Variants in WAC observed in about 807,000 individuals in gnomAD.
WAC encodes the protein WW domain-containing adapter protein with coiled-coil.
WAC carries 11 observed loss-of-function variants against 79.6 expected under a neutral mutation model. That is an observed-to-expected ratio of 0.14 (90% confidence interval 0.09 to 0.23). The LOEUF is 0.23. Among genes scored for constraint, WAC ranks in the 10% least tolerant of loss-of-function variants. WAC has a pLI of 1.00. For missense variants in WAC, 728 were observed against 773.5 expected (o/e 0.94, Z 0.70); for synonymous variants, 304 against 276.9 (o/e 1.10, Z -0.97).
chr10:28,603,963 A>ATATATATATATATATATATATATGTG lies in WAC; in HGVS notation c.920-4200_920-4199insGTGTATATATATATATATATATATAT, dbSNP rs1564413743. ...AAAAAATATATATATGTATGTATGT[A>ATATATATATATATATATATATATGTG]TATATATATATATATATATATATAT... is the stretch of plus-strand genomic sequence containing the variant. On this transcript the variant is annotated intron_variant, in intron 7 of 13. Transcript: ENST00000354911. Among the ~76,000 whole-genome samples the ATATATATATATATATATATATATGTG allele has an allele frequency of 3.3e-3, 35 of 10,452 alleles. No homozygotes were observed. The South Asian group carries it at 0.077, about 23-fold the overall frequency. 6.9% of individuals were successfully genotyped at this position (10,452 alleles called of 152,430 possible).
At chr10:28,585,726 T>C (rs1839788174) in intron 4 of WAC, among the ~76,000 whole-genome samples, 2 of 152,168 alleles carry the variant, frequency 1.3e-5, no homozygotes, top group African/African-American at 4.8e-5. Context: ...ATTGACAGTT[T>C]AGATTTGCTA....
intron 3 of WAC, among the ~76,000 whole-genome samples, chr10:28,567,253 A>C (rs1838694481): frequency 6.7e-6 from 1 of 149,558 alleles, no homozygotes; most frequent in Non-Finnish European, 1.5e-5. Flanking sequence ...TTTCTTTCGA[A>C]GTATATTTTC....
chr10:28,592,587 C>G (rs1037483036), intron 6 of WAC, among the ~76,000 whole-genome samples: 1 of 152,030 alleles, frequency 6.6e-6, no homozygotes, highest in African/African-American at 2.4e-5. Flanking sequence ...CACCACTGTA[C>G]TCCAGCCTGG....
rs952787522 is a variant in WAC at position 28,587,042 on chromosome 10, G to T, written c.382-2694G>T. Among the ~76,000 whole-genome samples, 3 of 151,832 alleles carry T rather than the reference G, an allele frequency of 2.0e-5. No individual in the cohort carries two copies. In the South Asian group the frequency reaches 6.3e-4, roughly 32 times the overall value. On this transcript the variant is annotated intron_variant, in intron 4 of 13. Coordinates refer to ENST00000354911, the MANE Select transcript of WAC (RefSeq NM_016628.5). Reference sequence around the variant, plus strand: ...CTCAGGAGACTGAGGAGGGAGGCTCGCTTGAGCCCAGGAGTTGGAAACCAG... The same window carrying T: ...CTCAGGAGACTGAGGAGGGAGGCTCTCTTGAGCCCAGGAGTTGGAAACCAG...
chr10:28,602,021 G>A (rs758379104), intron 7 of WAC, among the ~76,000 whole-genome samples: 2 of 152,146 alleles, frequency 1.3e-5, no homozygotes, highest in Non-Finnish European at 2.9e-5. Context: ...CTTGTAAAAT[G>A]GTTAAAATAG....
At position 28,603,961 on chromosome 10, in the gene WAC, GTATA is replaced by G. The variant is rs71391054; in HGVS notation, c.920-4201_920-4198del. On this transcript the variant is annotated intron_variant, in intron 7 of 13. Transcript: ENST00000354911. ...AAAAAAAATATATATATGTATGTAT[GTATA>G]TATATATATATATATATATATATGT... 5.6e-3 allele frequency among the ~76,000 whole-genome samples: 118 copies of G among 20,894 alleles called. 8 individuals carry two copies. The highest frequency in any genetic ancestry group is 0.039 in the East Asian group (18 of 460). The allele number at this position is 20,894 out of a possible 152,430, so 13.7% of individuals were successfully genotyped here. A position where few individuals can be genotyped will look rare whatever the true frequency, so the allele number is the denominator to read the frequency against.
intron 3 of WAC, among the ~76,000 whole-genome samples, chr10:28,555,648 G>C (rs1837940449): frequency 1.3e-5 from 2 of 152,186 alleles, no homozygotes. Context: ...TGGTTTGAGT[G>C]CGTTCCCTAA....
At chr10:28,614,894 A>G (rs373693695) in intron 11 of WAC, 37 of 385,610 alleles carry the variant, frequency 9.6e-5, no homozygotes, top group African/African-American at 7.5e-4. Context: ...GTTATTTTGA[A>G]GAAAGTGGCT....
rs748812459 is a variant in WAC at position 28,562,924 on chromosome 10, AAAAT to A, written c.275-20468_275-20465del. Among the ~76,000 whole-genome samples the A allele has an allele frequency of 1.3e-3, 192 of 152,320 alleles. 1 individual carries two copies. Among genetic ancestry groups the A allele is most frequent in the Non-Finnish European group, 1.9e-3 (127 of 68,036 alleles). The stretch of plus-strand genomic sequence containing the variant: ...CTACCTTCTGCAAAGATTTTCTTGA[AAAAT>A]AAATAACGGTGAAATCTGTAACAAT... On this transcript the variant is annotated intron_variant, in intron 3 of 13. Coordinates refer to ENST00000354911, the MANE Select transcript of WAC (RefSeq NM_016628.5).
Position 28,617,796 on chromosome 10 carries a change from A to T in WAC, c.1874+12A>T, listed in dbSNP as rs764499163. Reference sequence around the variant, plus strand: ...TTGCGAGAGCAAAGGTAAGTCTTTCACTGAAATATATTTTTATGTTTCTCA... The same window carrying T: ...TTGCGAGAGCAAAGGTAAGTCTTTCTCTGAAATATATTTTTATGTTTCTCA... On this transcript the variant is annotated intron_variant, in intron 13 of 13. Coordinates refer to ENST00000354911, the MANE Select transcript of WAC (RefSeq NM_016628.5). 2.5e-6 allele frequency: 4 copies of T among 1,570,778 alleles called. No individual in the cohort carries two copies. In the South Asian group the frequency reaches 5.0e-5, roughly 20 times the overall value.
chr10:28,590,952 C>G lies in WAC; in HGVS notation c.610+120C>G, dbSNP rs1045516182. On this transcript the variant is annotated intron_variant, in intron 6 of 13. Coordinates refer to ENST00000354911, the MANE Select transcript of WAC (RefSeq NM_016628.5). ...AAATAAATAGAAACATACGGAGATTCTTTTATGTTGGATTTATTATACCCT... is the reference window on the plus strand; with the variant it reads ...AAATAAATAGAAACATACGGAGATTGTTTTATGTTGGATTTATTATACCCT... The G allele has an allele frequency of 2.0e-5, 17 of 857,984 alleles. No homozygotes were observed. In the South Asian group the frequency reaches 2.2e-4, roughly 11 times the overall value. The allele number at this position is 857,984 out of a possible 1,614,324, so 53.1% of individuals were successfully genotyped here.
chr10:28,608,548 CTT>C, intron 8 of WAC, 117 bp downstream of exon 8: 1 of 1,159,026 alleles, frequency 8.6e-7, no homozygotes, highest in East Asian at 2.6e-5. Context: ...TAGTTGAACA[CTT>C]TTTTTTGTTT....
At chr10:28,533,697 T>A in intron 1 of WAC, 77 bp downstream of exon 1, 2 of 1,384,232 alleles carry the variant, frequency 1.4e-6, no homozygotes, top group Non-Finnish European at 9.7e-7. Context: ...TATCTGGAGC[T>A]GGCCGGGCCG....
chr10:28,614,620 G>A lies in WAC; in HGVS notation c.1491G>A (p.Gln497=), dbSNP rs759161353. The A allele has an allele frequency of 2.4e-5, 39 of 1,614,196 alleles. 1 individual carries two copies. In the South Asian group the frequency reaches 4.0e-4, roughly 16 times the overall value. The change falls in exon 11 of 14, where the codon CAG becomes CAA. Residue 497 remains glutamine, a synonymous_variant. Transcript: ENST00000354911. ...CAGTGTCACAGTCAGCCACACAGCAGCCTGTAACTGCTGACAAGCAGCAAG... is the reference window on the plus strand; with the variant it reads ...CAGTGTCACAGTCAGCCACACAGCAACCTGTAACTGCTGACAAGCAGCAAG... ...QGPVSQSATQ[Q]PVTADKQQGH... is the part of the protein sequence containing the mutation.
chr10:28,558,102 C>T (rs1245485961), intron 3 of WAC, among the ~76,000 whole-genome samples: 1 of 152,072 alleles, frequency 6.6e-6, no homozygotes, highest in Non-Finnish European at 1.5e-5. Context: ...CTCTTAGAGT[C>T]ACTTGAAACA....
At chr10:28,588,400 C>T (rs1839927071) in intron 4 of WAC, among the ~76,000 whole-genome samples, 1 of 152,166 alleles carries the variant, frequency 6.6e-6, no homozygotes, top group Non-Finnish European at 1.5e-5. Flanking sequence ...ATGGCAGAGT[C>T]TGTGATCTTT....
chr10:28,535,346 G>GT (rs1425248901), intron 2 of WAC: 20 of 355,994 alleles, frequency 5.6e-5, no homozygotes, highest in Non-Finnish European at 9.6e-5. Flanking sequence ...TTTTTTTTGT[G>GT]TTTAGTGTGA....
rs1435952488 is a variant in WAC, at chr10:28,541,413, G to GTTTT, written c.274+5657_274+5658insTTTT. ...AATTTTTGTGGGGTTGTGTGTGTGT[G>GTTTT]TGTTTTGTTTTTTTTTTTTTTTTTT... On this transcript the variant is annotated intron_variant, in intron 3 of 13. Coordinates refer to ENST00000354911, the MANE Select transcript of WAC (RefSeq NM_016628.5). 2.1e-3 allele frequency among the ~76,000 whole-genome samples: 106 copies of GTTTT among 50,746 alleles called. 2 individuals are homozygous for GTTTT. The highest frequency in any genetic ancestry group is 4.0e-3 in the Non-Finnish European group (95 of 23,708). The allele number at this position is 50,746 out of a possible 152,430, so 33.3% of individuals were successfully genotyped here.
chr10:28,543,923 C>G (rs941789292), intron 3 of WAC, among the ~76,000 whole-genome samples: 1 of 152,148 alleles, frequency 6.6e-6, no homozygotes, highest in African/African-American at 2.4e-5. Flanking sequence ...GGGTCTTACT[C>G]TGTCATCCCA....
Sources: allele counts gnomAD v4.1 joint callset (sites outside exome capture counted in the v4.1 genomes callset), GRCh38; gene constraint gnomAD v4.1.1; transcripts MANE v1.5; gene names NCBI Gene and HGNC (gene_info 2026-07-23, HGNC 2026-07-21).